PLEC: variants seen among roughly 807,000 people sequenced by gnomAD.
PLEC encodes plectin.
A neutral mutation model predicts 392.8 loss-of-function variants in PLEC; 216 were observed. The ratio of observed to expected loss-of-function variants is 0.55; its 90% confidence interval spans 0.49 to 0.62. The LOEUF (loss-of-function observed/expected upper bound fraction) is 0.62. PLEC is among the 20% of genes least tolerant of loss of function. The pLI, the probability that PLEC is intolerant of heterozygous loss-of-function variation, is 0.00. For missense variants in PLEC, 6,863 were observed against 6,563.4 expected, an observed-to-expected ratio of 1.05 and a Z score of -1.58; for synonymous variants, 3,621 against 2,980.6, an observed-to-expected ratio of 1.21 and a Z score of -7.00.
chr8:143,941,686 G>A (rs532000038), upstream of PLEC, among the ~76,000 whole-genome samples: 210 of 4,070 alleles, frequency 0.052, no homozygotes, highest in African/African-American at 0.16. Context: ...AGCCTGCCCC[G>A]CCCCATCCAA....
chr8:143,919,020 G>A lies in PLEC; in HGVS notation c.10801C>T (p.Arg3601Trp), dbSNP rs782412400. 1.3e-5 allele frequency: 21 copies of A among 1,611,040 alleles called. No individual in the cohort carries two copies. Among genetic ancestry groups the A allele is most frequent in the Admixed American group, 5.0e-5 (3 of 60,010 alleles). Residue 3601 changes from arginine (R) to tryptophan (W), a missense_variant, in exon 32 of 32, where the codon CGG becomes TGG. By Grantham distance (101) the Arg-to-Trp change is moderately radical. Coordinates refer to ENST00000345136, the MANE Select transcript of PLEC (RefSeq NM_201384.3). ...MQSDLIPEEQ[R>W]AQLMADFQAG... ...TGGAAGTCAGCCATCAGCTGGGCCC[G>A]CTGCTCCTCGGGGATCAGGTCCGAC... is the stretch of plus-strand genomic sequence containing the variant.
chr8:143,958,631 A>G (rs1263897749), upstream of PLEC: 6 of 450,780 alleles, frequency 1.3e-5, no homozygotes, highest in Middle Eastern at 6.5e-4. The surrounding 1 kb of genome is among the most constrained non-coding windows in gnomAD (Gnocchi z 4.9). Context: ...GTGCTCTCCG[A>G]GCACAAGCAG....
intron 1 of PLEC, chr8:143,946,553 GCCGA>G (rs1554732389): frequency 2.4e-6 from 1 of 423,352 alleles, no homozygotes; most frequent in African/African-American, 2.1e-5. Flanking sequence ...ATGAAGCCCA[GCCGA>G]CTGACGGGTC....
chr8:143,937,370 G>C, intron 3 of PLEC, 128 bp from the exon 4 acceptor site: 1 of 718,438 alleles, frequency 1.4e-6, no homozygotes, highest in East Asian at 2.7e-5. Context: ...CCTCATCCCA[G>C]GTTCACCCTC....
upstream of PLEC, among the ~76,000 whole-genome samples, chr8:143,942,958 G>A (rs1261476663): frequency 6.6e-5 from 10 of 152,310 alleles, no homozygotes; most frequent in Non-Finnish European, 1.5e-4. Context: ...GCCGAAGGGG[G>A]CAATTGTGGG....
rs782254956 is a variant in PLEC, at chr8:143,920,311, G to T, written c.9510C>A (p.Ala3170=). Residue 3170 remains alanine, a synonymous_variant, in exon 32 of 32, where the codon GCC becomes GCA. Coordinates refer to ENST00000345136, the MANE Select transcript of PLEC (RefSeq NM_201384.3). ...TGGCGTCGGCCCTTGGTGCCGACAG[G>T]GCCCTGCTGGTCTCCTCATCCAGGC... ...RGCLDEETSR[A]LSAPRADAKA... The T allele has an allele frequency of 1.9e-6, 3 of 1,591,068 alleles. No individual in the cohort carries two copies. Among genetic ancestry groups the T allele is most frequent in the East Asian group, 2.3e-5 (1 of 44,288 alleles).
In PLEC at chr8:143,924,410, G is replaced by A; in HGVS notation, c.5519C>T (p.Ala1840Val). ...GAGCCGCGTGGCCTCGCCGATGGCG[G>A]CCAGCTTCTCCGCAAGCACCCGCTC... ...EAERVLAEKLAAIGEATRLKT... is the reference protein window; with the variant it reads ...EAERVLAEKLVAIGEATRLKT... The change falls in exon 31 of 32, where the codon GCC becomes GTC. Residue 1840 changes from alanine (A) to valine (V), a missense_variant. Physicochemically the swap from Ala to Val is moderately conservative, Grantham distance 64. Coordinates refer to ENST00000345136, the MANE Select transcript of PLEC (RefSeq NM_201384.3). 6.3e-7 allele frequency: 1 copy of A among 1,592,800 alleles called. No homozygotes were observed. The highest frequency in any genetic ancestry group is 8.5e-7 in the Non-Finnish European group (1 of 1,176,952).
chr8:143,923,029 GTCC>G lies in PLEC; in HGVS notation c.6897_6899del (p.Glu2299del). 4 of 1,611,330 alleles carry G rather than the reference GTCC, an allele frequency of 2.5e-6. No homozygotes were observed. Among genetic ancestry groups the G allele is most frequent in the South Asian group, 1.1e-5 (1 of 90,950 alleles). ...CTGCCAAGGCCCGCTGCTGTGCCAG[GTCC>G]TCCTCTGCCAGCTGCCGCAGTCGCG... On this transcript the variant is annotated inframe_deletion, in exon 31 of 32. Transcript: ENST00000345136.
intron 1 of PLEC, among the ~76,000 whole-genome samples, chr8:143,965,410 G>A (rs1434801871): frequency 2.0e-5 from 3 of 152,204 alleles, no homozygotes; most frequent in Non-Finnish European, 4.4e-5. Context: ...GTCTGAACGC[G>A]TGTTCCCAAC....
chr8:143,972,921 G>A (rs1833503517), intron 1 of PLEC, among the ~76,000 whole-genome samples: 1 of 152,356 alleles, frequency 6.6e-6, no homozygotes, highest in East Asian at 1.9e-4. Context: ...AGGGGTGTGG[G>A]GGGGGTGCCC....
intron 1 of PLEC, chr8:143,946,636 G>A (rs907276497): frequency 6.6e-6 from 2 of 302,714 alleles, no homozygotes; most frequent in South Asian, 2.4e-5. Context: ...AGAGCCCTCC[G>A]GCCCCAGCCC....
rs372072627 is a variant in PLEC at position 143,920,340 on chromosome 8, C to G, written c.9481G>C (p.Gly3161Arg). The G allele has an allele frequency of 6.5e-5, 103 of 1,593,982 alleles. No homozygotes were observed. Among genetic ancestry groups the G allele is most frequent in the Non-Finnish European group, 8.5e-5 (100 of 1,175,578 alleles). The part of the protein sequence containing the change: ...RVPLDVACAR[G>R]CLDEETSRAL... ...CTGCTGGTCTCCTCATCCAGGCAGC[C>G]TCGGGCGCAGGCGACATCCAGGGGC... Residue 3161 changes from glycine to arginine, a missense_variant, in exon 32 of 32, where the codon GGC becomes CGC. Transcript: ENST00000345136.
Position 143,924,022 on chromosome 8 carries a change from A to G in PLEC, c.5907T>C (p.Ala1969=), listed in dbSNP as rs2857829. The stretch of plus-strand genomic sequence containing the variant: ...CCGCCGCCAGCTGCCGCTGCCTCGC[A>G]GCCTCCAGCTCGGCCTGCTCCTTGC... ...LRSKEQAELE[A]ARQRQLAAEE... The change falls in exon 31 of 32, where the codon GCT becomes GCC. Residue 1969 remains alanine (A), a synonymous_variant. Transcript: ENST00000345136. The G allele has an allele frequency of 0.39, 616,041 of 1,589,884 alleles. 125,601 individuals are homozygous for G. The highest frequency in any genetic ancestry group is 0.42 in the Non-Finnish European group (494,924 of 1,174,998).
chr8:143,948,483 C>T (rs935142191), intron 1 of PLEC, among the ~76,000 whole-genome samples: 4 of 152,164 alleles, frequency 2.6e-5, no homozygotes, highest in Admixed American at 1.3e-4. Context: ...ACCCCACATC[C>T]GAGCCGCCTC....
chr8:143,964,555 C>T lies in PLEC; in HGVS notation c.70+8848G>A, dbSNP rs559619008. 4.9e-4 allele frequency among the ~76,000 whole-genome samples: 74 copies of T among 152,272 alleles called. 2 individuals carry two copies. The South Asian group carries it at 5.6e-3, about 12-fold the overall frequency. On this transcript the variant is annotated intron_variant, in intron 1 of 31. Transcript: ENST00000356346. ...GTCCGCCCTGGAGCCTCCGAAGGAG[C>T]GTGGCCCTGTCAACATCTTGATTTT...
upstream of PLEC, among the ~76,000 whole-genome samples, chr8:143,956,559 G>C (rs782487214): frequency 3.9e-5 from 6 of 152,202 alleles, no homozygotes; most frequent in Non-Finnish European, 2.9e-5. Flanking sequence ...GAGCAAGACT[G>C]ACTCGAAAAC....
Position 143,949,379 on chromosome 8 carries a change from T to G in PLEC, c.523+805A>C, listed in dbSNP as rs1290844061. On this transcript the variant is annotated intron_variant, in intron 1 of 31. Coordinates refer to the PLEC transcript ENST00000322810. ...GTGCTCCACAGTGTGTGTGTGAGCCTCGGGCTGCAGGGGACACATCTGCCC... is the reference window on the plus strand; with the variant it reads ...GTGCTCCACAGTGTGTGTGTGAGCCGCGGGCTGCAGGGGACACATCTGCCC... Among the ~76,000 whole-genome samples, 5 of 152,162 alleles carry G rather than the reference T, an allele frequency of 3.3e-5. No individual in the cohort carries two copies. In the East Asian group the frequency reaches 9.6e-4, roughly 29 times the overall value.
At position 143,923,374 on chromosome 8, in the gene PLEC, C is replaced by T; in HGVS notation, c.6555G>A (p.Glu2185=). The T allele has an allele frequency of 1.2e-6, 2 of 1,610,594 alleles. No individual in the cohort carries two copies. The highest frequency in any genetic ancestry group is 1.7e-6 in the Non-Finnish European group (2 of 1,179,490). Residue 2185 remains glutamate, a synonymous_variant, in exon 31 of 32, where the codon GAG becomes GAA. Transcript: ENST00000345136. ...EQTLRQKAQV[E]QELTTLRLQL... is the part of the protein sequence containing the mutation. Reference sequence around the variant, plus strand: ...GCAGCCGCAGTGTTGTCAGCTCCTGCTCCACCTGCGCCTTCTGCCGCAGCG... The same window carrying T: ...GCAGCCGCAGTGTTGTCAGCTCCTGTTCCACCTGCGCCTTCTGCCGCAGCG...
At position 143,922,137 on chromosome 8, in the gene PLEC, C is replaced by T; in HGVS notation, c.7684G>A (p.Ala2562Thr). The T allele has an allele frequency of 1.9e-6, 3 of 1,540,468 alleles. No homozygotes were observed. Among genetic ancestry groups the T allele is most frequent in the South Asian group, 1.2e-5 (1 of 84,956 alleles). The change falls in exon 32 of 32, where the codon GCC (alanine) becomes ACC (threonine). Residue 2562 changes from alanine (A) to threonine (T), a missense_variant. Coordinates refer to ENST00000345136, the MANE Select transcript of PLEC (RefSeq NM_201384.3). ...MEEARRRQHE[A>T]EEGVRRKQEE... ...TGCTTGCGCCGCACGCCCTCCTCGGCCTCATGCTGCCGCCGCCGCGCCTCC... is the reference window on the plus strand; with the variant it reads ...TGCTTGCGCCGCACGCCCTCCTCGGTCTCATGCTGCCGCCGCCGCGCCTCC...
Sources: allele counts gnomAD v4.1 joint callset (sites outside exome capture counted in the v4.1 genomes callset), GRCh38; gene constraint gnomAD v4.1.1; non-coding constraint Gnocchi (gnomAD v3.1); transcripts MANE v1.5; gene names NCBI Gene and HGNC (gene_info 2026-07-23, HGNC 2026-07-21).